The following CUX1 variants were observed in gnomAD, a reference collection of about 807,000 sequenced individuals.
The protein encoded by CUX1 is protein CASP.
CUX1 carries 31 observed loss-of-function variants against 158.8 expected under a neutral mutation model. The ratio of observed to expected loss-of-function variants is 0.20; its 90% CI spans 0.15 to 0.26. The LOEUF (loss-of-function observed/expected upper bound fraction) is 0.26. Among genes scored for constraint, CUX1 ranks in the 10% least tolerant of loss-of-function variants. CUX1 has a pLI of 1.00. For synonymous variants in CUX1, 879 were observed against 862.1 expected (o/e 1.02, Z -0.34); for missense variants, 1,589 against 2,014.6 (o/e 0.79, Z 4.04).
intron 21 of CUX1, among the ~76,000 whole-genome samples, chr7:102,229,302 C>CTT (rs11348387): frequency 8.3e-6 from 1 of 120,966 alleles, no homozygotes. Context: ...GGTGTTTCAT[C>CTT]TTTTTTTTTT....
chr7:101,954,088 G>A (rs1165624176), intron 2 of CUX1, among the ~76,000 whole-genome samples: 2 of 152,198 alleles, frequency 1.3e-5, no homozygotes, highest in Non-Finnish European at 2.9e-5. Context: ...CTACTCAGGA[G>A]GCTGAGACGG....
intron 1 of CUX1, among the ~76,000 whole-genome samples, chr7:101,879,111 G>C (rs919573887): frequency 3.3e-5 from 5 of 152,226 alleles, no homozygotes; most frequent in Admixed American, 3.3e-4. Context: ...CTAAGTAGCT[G>C]AAACTGTTGC....
At chr7:101,919,489 G>T (rs914750406) in intron 2 of CUX1, among the ~76,000 whole-genome samples, 1 of 152,152 alleles carries the variant, frequency 6.6e-6, no homozygotes, top group African/African-American at 2.4e-5. Flanking sequence ...CGGGAGGAGG[G>T]TATCCTCTTC....
chr7:102,212,850 G>C (rs1554523543), intron 20 of CUX1, among the ~76,000 whole-genome samples: 1 of 152,114 alleles, frequency 6.6e-6, no homozygotes, highest in African/African-American at 2.4e-5. Flanking sequence ...TTCCCTTTTT[G>C]TGTGTACATG....
At chr7:102,261,616 G>A (rs782331587), downstream of CUX1, among the ~76,000 whole-genome samples, 2 of 151,806 alleles carry the variant, frequency 1.3e-5, no homozygotes, top group Admixed American at 6.6e-5. Context: ...TCCAGGGAGC[G>A]GGATTTGAGG....
intron 2 of CUX1, among the ~76,000 whole-genome samples, chr7:101,991,695 G>T (rs1815155107): frequency 6.6e-6 from 1 of 151,438 alleles, no homozygotes; most frequent in Non-Finnish European, 1.5e-5. Context: ...GGAGGCAGAG[G>T]TTGCAGTGAG....
At chr7:101,907,939 G>C (rs1214392324) in intron 1 of CUX1, among the ~76,000 whole-genome samples, 1 of 151,968 alleles carries the variant, frequency 6.6e-6, no homozygotes, top group Non-Finnish European at 1.5e-5. Context: ...GGACAACATA[G>C]CAAGACTTCC....
chr7:101,873,862 G>C (rs1302438851), intron 1 of CUX1, among the ~76,000 whole-genome samples: 1 of 152,214 alleles, frequency 6.6e-6, no homozygotes, highest in Non-Finnish European at 1.5e-5. Context: ...TGGGAATACA[G>C]GCATGAGCTA....
At chr7:102,032,525 C>T (rs1047528805) in intron 3 of CUX1, among the ~76,000 whole-genome samples, 3 of 151,960 alleles carry the variant, frequency 2.0e-5, no homozygotes, top group Non-Finnish European at 2.9e-5. Context: ...AAAAATTAGG[C>T]GGGCATGATG....
intron 20 of CUX1, among the ~76,000 whole-genome samples, chr7:102,214,825 T>G (rs577374218): frequency 6.6e-6 from 1 of 152,386 alleles, no homozygotes; most frequent in African/African-American, 2.4e-5. Context: ...ATTTTGCGTT[T>G]ACTTCTTCCC....
intron 10 of CUX1, among the ~76,000 whole-genome samples, chr7:102,177,729 AC>A (rs1383868238): frequency 6.7e-6 from 1 of 148,180 alleles, no homozygotes; most frequent in Non-Finnish European, 1.5e-5. Flanking sequence ...ATCTTACTAA[AC>A]CCCCTGCCTC....
At chr7:101,928,254 G>A (rs1284122958) in intron 2 of CUX1, among the ~76,000 whole-genome samples, 3 of 152,036 alleles carry the variant, frequency 2.0e-5, no homozygotes, top group Non-Finnish European at 2.9e-5. Context: ...AACTCTTATA[G>A]GGATTCAGAA....
At chr7:102,184,282 C>T (rs1217080288) in intron 11 of CUX1, among the ~76,000 whole-genome samples, 4 of 152,226 alleles carry the variant, frequency 2.6e-5, no homozygotes, top group Non-Finnish European at 4.4e-5. Flanking sequence ...TCATTTAAGT[C>T]TTAGCCAGGC....
chr7:102,241,009 C>T (rs976897644), intron 23 of CUX1, among the ~76,000 whole-genome samples: 15 of 152,008 alleles, frequency 9.9e-5, no homozygotes, highest in Non-Finnish European at 1.3e-4. Context: ...TTAGTAGAGA[C>T]GGGTTTCATC....
chr7:102,052,308 G>A (rs1037832882), intron 3 of CUX1, among the ~76,000 whole-genome samples: 1 of 152,104 alleles, frequency 6.6e-6, no homozygotes, highest in Non-Finnish European at 1.5e-5. Flanking sequence ...TCCCCCTTCT[G>A]TAGATTTGGC....
At chr7:101,955,997 A>G (rs565572721) in intron 2 of CUX1, among the ~76,000 whole-genome samples, 23 of 152,144 alleles carry the variant, frequency 1.5e-4, no homozygotes, top group African/African-American at 5.5e-4. Flanking sequence ...CCTGGCTAAC[A>G]CGGTGAAACC....
rs1248100365 is a variant in CUX1 at position 101,984,103 on chromosome 7, TATATATATATATATATATATATATATAC to T, written c.142-43993_142-43966del. Among the ~76,000 whole-genome samples, 38 of 24,838 alleles carry T rather than the reference TATATATATATATATATATATATATATAC, an allele frequency of 1.5e-3. 3 individuals carry two copies. In the South Asian group the frequency reaches 0.04, roughly 26 times the overall value. 16.3% of individuals were successfully genotyped at this position (24,838 alleles called of 152,430 possible). ...AAAAAAAAAAAAATATATATATATA[TATATATATATATATATATATATATATAC>T]ACACACACATATATATATGTGTGTG... On this transcript the variant is annotated intron_variant, in intron 2 of 23. Transcript: ENST00000292535.
chr7:102,280,428 C>T (rs1554548924), intron 19 of CUX1, among the ~76,000 whole-genome samples: 1 of 152,208 alleles, frequency 6.6e-6, no homozygotes, highest in Non-Finnish European at 1.5e-5. Flanking sequence ...ACCTGGAGTG[C>T]ATTTGCGGGA....
At chr7:102,191,713 G>GTCTTCTTCTTTCTTCCTC (rs1450813350) in intron 12 of CUX1, among the ~76,000 whole-genome samples, 2 of 152,040 alleles carry the variant, frequency 1.3e-5, no homozygotes, top group Non-Finnish European at 1.5e-5. Context: ...CGTCTTCGTT[G>GTCTTCTTCTTTCTTCCTC]TCTTCTTCTT....
Sources: allele counts gnomAD v4.1 joint callset (sites outside exome capture counted in the v4.1 genomes callset), GRCh38; gene constraint gnomAD v4.1.1; transcripts MANE v1.5; gene names NCBI Gene and HGNC (gene_info 2026-07-23, HGNC 2026-07-21).